The following SYNPO2 variants were observed in gnomAD, a reference collection of about 807,000 sequenced individuals.
SYNPO2 encodes synaptopodin-2.
In SYNPO2, 56 loss-of-function variants were observed where a neutral mutation model predicts 85.0. That is an observed-to-expected ratio of 0.66 (90% CI 0.53 to 0.82). The LOEUF is 0.82. Ranked by LOEUF, SYNPO2 falls within the 40% of genes least tolerant of loss-of-function variation. The pLI is 0.00. For synonymous variants in SYNPO2, 602 were observed against 591.1 expected (o/e 1.02, Z -0.27); for missense variants, 1,575 against 1,534.2 (o/e 1.03, Z -0.44).
intron 1 of SYNPO2, among the ~76,000 whole-genome samples, chr4:118,890,126 C>T (rs1578521786): frequency 6.8e-6 from 1 of 147,046 alleles, no homozygotes; most frequent in Non-Finnish European, 1.5e-5. Context: ...CTGGCTTTTA[C>T]TCTTTTTTTT....
intron 1 of SYNPO2, among the ~76,000 whole-genome samples, chr4:118,898,972 A>G (rs1732635820): frequency 6.6e-6 from 1 of 152,182 alleles, no homozygotes; most frequent in Non-Finnish European, 1.5e-5. Flanking sequence ...TACCCTGGAA[A>G]TCTCTGTTAA....
intron 1 of SYNPO2, among the ~76,000 whole-genome samples, chr4:119,010,004 A>G (rs141218844): frequency 1.3e-5 from 2 of 152,328 alleles, no homozygotes; most frequent in East Asian, 3.9e-4. Context: ...GTTTTTCTCC[A>G]TAACCATTTT....
intron 1 of SYNPO2, among the ~76,000 whole-genome samples, chr4:118,948,205 G>A (rs1734569394): frequency 6.6e-6 from 1 of 152,128 alleles, no homozygotes; most frequent in African/African-American, 2.4e-5. Flanking sequence ...GCACTAATAA[G>A]ATCCGATTTG....
chr4:119,015,522 GA>G (rs1003387008), intron 1 of SYNPO2, among the ~76,000 whole-genome samples: 3 of 151,616 alleles, frequency 2.0e-5, no homozygotes, highest in African/African-American at 7.3e-5. Flanking sequence ...AACAGTTTCA[GA>G]AAAAAAAGCA....
At chr4:118,948,679 G>C (rs553077115) in intron 1 of SYNPO2, among the ~76,000 whole-genome samples, 1 of 152,138 alleles carries the variant, frequency 6.6e-6, no homozygotes, top group East Asian at 1.9e-4. Flanking sequence ...GGAAAGAGGT[G>C]TCACACTCTT....
At chr4:119,035,835 A>AAC in intron 4 of SYNPO2, 1 of 984,342 alleles carries the variant, frequency 1.0e-6, no homozygotes, top group East Asian at 1.1e-4. Context: ...AAAAAAAAAA[A>AAC]CACCTGATCT....
At chr4:118,898,344 A>G (rs1369497500) in intron 1 of SYNPO2, among the ~76,000 whole-genome samples, 1 of 152,016 alleles carries the variant, frequency 6.6e-6, no homozygotes, top group African/African-American at 2.4e-5. Context: ...TCTCTTAGAT[A>G]ATTATATTGG....
At chr4:118,936,301 A>G (rs546746705) in intron 1 of SYNPO2, among the ~76,000 whole-genome samples, 2 of 152,124 alleles carry the variant, frequency 1.3e-5, no homozygotes, top group Non-Finnish European at 2.9e-5. Context: ...GCATGACTGT[A>G]TATGTATGAA....
chr4:118,871,255 T>C (rs528807637), intron 1 of SYNPO2, among the ~76,000 whole-genome samples: 1 of 152,244 alleles, frequency 6.6e-6, no homozygotes, highest in East Asian at 1.9e-4. Flanking sequence ...TTCGTATCTT[T>C]ATTTTTCTTT....
intron 1 of SYNPO2, among the ~76,000 whole-genome samples, chr4:118,969,063 A>T (rs990634084): frequency 6.6e-6 from 1 of 152,212 alleles, no homozygotes; most frequent in Admixed American, 6.5e-5. Flanking sequence ...TTTCCAGGTC[A>T]GTTAAAAGGA....
At chr4:119,018,141 T>C (rs1230095700) in intron 1 of SYNPO2, among the ~76,000 whole-genome samples, 1 of 152,106 alleles carries the variant, frequency 6.6e-6, no homozygotes, top group African/African-American at 2.4e-5. Context: ...GTAAAACAAA[T>C]CTTTCCTGGC....
intron 1 of SYNPO2, among the ~76,000 whole-genome samples, chr4:118,881,314 A>AG (rs1553935032): frequency 2.6e-4 from 39 of 151,542 alleles, no homozygotes; most frequent in East Asian, 3.9e-4. Flanking sequence ...AAAAAAAAAA[A>AG]AAGAAGAAGA....
chr4:119,045,693 A>C (rs557824382), intron 4 of SYNPO2, among the ~76,000 whole-genome samples: 2 of 152,180 alleles, frequency 1.3e-5, no homozygotes, highest in Admixed American at 1.3e-4. Flanking sequence ...TTTAACATTT[A>C]TTTTTTATGT....
At chr4:118,883,973 A>T (rs1732156999), upstream of SYNPO2, among the ~76,000 whole-genome samples, 1 of 152,164 alleles carries the variant, frequency 6.6e-6, no homozygotes, top group Non-Finnish European at 1.5e-5. Flanking sequence ...AGCAGCAGAA[A>T]CATCAGCATG....
At chr4:118,878,677 A>G (rs1396502966) in intron 1 of SYNPO2, among the ~76,000 whole-genome samples, 1 of 152,216 alleles carries the variant, frequency 6.6e-6, no homozygotes, top group African/African-American at 2.4e-5. Context: ...AAAACGCACC[A>G]ATCAGTGCTC....
At chr4:118,942,143 A>G (rs1017113615) in intron 1 of SYNPO2, among the ~76,000 whole-genome samples, 2 of 152,238 alleles carry the variant, frequency 1.3e-5, no homozygotes, top group African/African-American at 2.4e-5. Context: ...TGGGAAGGAC[A>G]GTCTCTCCCC....
At chr4:118,886,307 T>C (rs948636019), upstream of SYNPO2, among the ~76,000 whole-genome samples, 4 of 152,190 alleles carry the variant, frequency 2.6e-5, no homozygotes, top group Non-Finnish European at 5.9e-5. Flanking sequence ...GTTACATAGG[T>C]ATACATGTGC....
chr4:118,987,129 A>G (rs2149166041), intron 1 of SYNPO2, among the ~76,000 whole-genome samples: 1 of 152,356 alleles, frequency 6.6e-6, no homozygotes, highest in Non-Finnish European at 1.5e-5. Context: ...ATCTAAATGG[A>G]CACAGGAAAA....
Position 119,057,569 on chromosome 4 carries a change from G to C in SYNPO2, c.3421G>C (p.Gly1141Arg), listed in dbSNP as rs746304837. 13 of 1,613,960 alleles carry C rather than the reference G, an allele frequency of 8.1e-6. No individual in the cohort carries two copies. Reference protein sequence around the residue: ...PWEAAAKSPLGLVDDAFQPRN... With the variant: ...PWEAAAKSPLRLVDDAFQPRN... Reference sequence around the variant, plus strand: ...GGAAGCAGCAGCAAAGTCTCCTCTCGGTCTAGTGGATGATGCTTTCCAACC... The same window carrying C: ...GGAAGCAGCAGCAAAGTCTCCTCTCCGTCTAGTGGATGATGCTTTCCAACC... The change falls in exon 5 of 5, where the codon GGT (glycine) becomes CGT (arginine). Residue 1141 changes from glycine (G) to arginine (R), a missense_variant. Gly to Arg is a moderately radical substitution (Grantham distance 125, BLOSUM62 -2). Transcript: ENST00000307142.
Sources: allele counts gnomAD v4.1 joint callset (sites outside exome capture counted in the v4.1 genomes callset), GRCh38; gene constraint gnomAD v4.1.1; transcripts MANE v1.5; gene names NCBI Gene and HGNC (gene_info 2026-07-23, HGNC 2026-07-21).